DGKH: variants seen among roughly 807,000 people sequenced by gnomAD.
The protein encoded by DGKH is DAG kinase eta.
Under a neutral mutation model 159.3 loss-of-function variants are expected in DGKH, and 90 were observed. The ratio of observed to expected loss-of-function variants is 0.57; its 90% CI spans 0.48 to 0.67. DGKH has a LOEUF of 0.67. Among genes scored for constraint, DGKH ranks in the 30% least tolerant of loss-of-function variants. The pLI, the probability that DGKH is intolerant of heterozygous loss-of-function variation, is 0.00. For missense variants in DGKH, 1,181 were observed against 1,506.1 expected (o/e 0.78, Z 3.57); for synonymous variants, 536 against 553.8 (o/e 0.97, Z 0.45).
intron 21 of DGKH, among the ~76,000 whole-genome samples, chr13:42,206,612 G>A (rs778312803): frequency 7.1e-6 from 1 of 140,110 alleles, no homozygotes; most frequent in African/African-American, 2.7e-5. Flanking sequence ...CAGCTGGGCT[G>A]TTGCCTTCCG....
Position 42,148,661 on chromosome 13 carries a change from C to T in DGKH, c.385-6630C>T, listed in dbSNP as rs151248349. On this transcript the variant is annotated intron_variant, in intron 3 of 29. Transcript: ENST00000337343. ...TCCTGGCTTAAACCCCTTTAGTAAC[C>T]GTGCTCTGTCACTTTTAGGATCAAA... 1.5e-3 allele frequency among the ~76,000 whole-genome samples: 224 copies of T among 152,242 alleles called. 1 individual carries two copies. The highest frequency in any genetic ancestry group is 5.1e-3 in the African/African-American group (212 of 41,532).
intron 11 of DGKH, among the ~76,000 whole-genome samples, chr13:42,172,296 G>C (rs1956479980): frequency 6.6e-6 from 1 of 150,998 alleles, no homozygotes; most frequent in Non-Finnish European, 1.5e-5. Flanking sequence ...ATTTTTAGTA[G>C]AGATGGGGTT....
intron 1 of DGKH, among the ~76,000 whole-genome samples, chr13:42,108,473 G>A (rs1200607258): frequency 6.6e-6 from 1 of 152,188 alleles, no homozygotes; most frequent in Non-Finnish European, 1.5e-5. Flanking sequence ...TCCGTATAGA[G>A]TGACTTTTAC....
In DGKH at chr13:42,146,134, T is replaced by C. The variant is rs2137909472; in HGVS notation, c.385-9157T>C. Among the ~76,000 whole-genome samples the C allele has an allele frequency of 2.0e-5, 3 of 150,056 alleles. No individual in the cohort carries two copies. The South Asian group carries it at 6.3e-4, about 32-fold the overall frequency. On this transcript the variant is annotated intron_variant, in intron 3 of 29. Coordinates refer to ENST00000337343, the MANE Select transcript of DGKH (RefSeq NM_178009.5). ...TTCCCTTTGGAGCCTTTGTAAGAGT[T>C]CAGATTCTGGGGAGGCTTTTTTTTT...
At chr13:42,086,794 C>A (rs2137733974) in intron 1 of DGKH, among the ~76,000 whole-genome samples, 1 of 152,224 alleles carries the variant, frequency 6.6e-6, no homozygotes, top group Non-Finnish European at 1.5e-5. Flanking sequence ...TCCCAACTTG[C>A]TGCCTAGAGA....
Position 42,168,821 on chromosome 13 carries a change from A to G in DGKH, c.1367+3A>G. 1.2e-6 allele frequency: 2 copies of G among 1,608,758 alleles called. No homozygotes were observed. Among genetic ancestry groups the G allele is most frequent in the East Asian group, 2.2e-5 (1 of 44,838 alleles). On this transcript the variant is annotated splice_donor_region_variant and intron_variant, in intron 11 of 29. Coordinates refer to ENST00000337343, the MANE Select transcript of DGKH (RefSeq NM_178009.5). Reference sequence around the variant, plus strand: ...GCCAGTACCAAAATGTTGGACAGGTAAAAGTAAATTCTTTTCTACAACTAG... The same window carrying G: ...GCCAGTACCAAAATGTTGGACAGGTGAAAGTAAATTCTTTTCTACAACTAG...
chr13:42,129,355 T>C (rs765824929), intron 2 of DGKH, among the ~76,000 whole-genome samples, 197 bp from the exon 3 acceptor site: 44 of 152,210 alleles, frequency 2.9e-4, no homozygotes, highest in Non-Finnish European at 5.4e-4. Flanking sequence ...TTTAAAGCCC[T>C]TTTCAGTTGG....
rs762368524 is a variant in DGKH, at chr13:42,214,518, C to T, written c.3026C>T (p.Ala1009Val). 6.2e-7 allele frequency: 1 copy of T among 1,611,594 alleles called. No individual in the cohort carries two copies. The highest frequency in any genetic ancestry group is 1.7e-5 in the Admixed American group (1 of 59,656). Residue 1009 changes from alanine to valine, a missense_variant, in exon 25 of 30, where the codon GCA becomes GTA. Coordinates refer to ENST00000337343, the MANE Select transcript of DGKH (RefSeq NM_178009.5). ...ATTTTTGCTTTTAGGATATGTGACG[C>T]AGCCACAATTCACTGTCTTTTGGAG... ...AEELITRICD[A>V]ATIHCLLEQE... is the part of the protein sequence containing the mutation.
At chr13:42,192,490 A>G (rs1957099760) in intron 16 of DGKH, among the ~76,000 whole-genome samples, 1 of 152,126 alleles carries the variant, frequency 6.6e-6, no homozygotes, top group Admixed American at 6.5e-5. Context: ...TTTCATATAC[A>G]TTTGACTGTA....
chr13:42,178,980 A>C (rs1276480847), intron 13 of DGKH, among the ~76,000 whole-genome samples: 1 of 152,218 alleles, frequency 6.6e-6, no homozygotes, highest in African/African-American at 2.4e-5. Context: ...AAAATATACA[A>C]ATTTTGGTAT....
intron 1 of DGKH, among the ~76,000 whole-genome samples, chr13:42,071,833 C>A (rs1302257749): frequency 6.6e-6 from 1 of 152,226 alleles, no homozygotes; most frequent in Non-Finnish European, 1.5e-5. Context: ...GAGGCCCTCA[C>A]TTTGCCGCAG....
chr13:42,201,954 T>A (rs1594197991), intron 20 of DGKH, among the ~76,000 whole-genome samples: 1 of 152,168 alleles, frequency 6.6e-6, no homozygotes, highest in East Asian at 1.9e-4. Flanking sequence ...CTAATGCCTT[T>A]TTTCCCCTAC....
intron 29 of DGKH, among the ~76,000 whole-genome samples, chr13:42,223,656 G>A (rs1958043878): frequency 6.6e-6 from 1 of 151,934 alleles, no homozygotes; most frequent in Non-Finnish European, 1.5e-5. Flanking sequence ...AGCTACTCAG[G>A]AGGCTGAGGC....
At chr13:42,193,723 A>G (rs80285663) in intron 16 of DGKH, among the ~76,000 whole-genome samples, 1,933 of 152,306 alleles carry the variant, frequency 0.013, 43 homozygotes, top group African/African-American at 0.043. Flanking sequence ...TATTTAAAAA[A>G]GGGGTGGCTG....
chr13:42,230,928 A>G lies in DGKH; in HGVS notation c.*1740A>G, dbSNP rs1238724503. The G allele has an allele frequency of 6.6e-6, 1 of 152,202 alleles. No homozygotes were observed. Among genetic ancestry groups the G allele is most frequent in the Non-Finnish European group, 1.5e-5 (1 of 68,038 alleles). 9.4% of individuals were successfully genotyped at this position (152,202 alleles called of 1,614,324 possible). On this transcript the variant is annotated 3_prime_UTR_variant, in exon 30 of 30. Coordinates refer to ENST00000337343, the MANE Select transcript of DGKH (RefSeq NM_178009.5). ...ATAACTTGGGTATTTAACTACTAGT[A>G]AAAATCACAAAATTTTAATGTCTTT...
At chr13:42,175,117 A>C (rs1423781957) in intron 12 of DGKH, among the ~76,000 whole-genome samples, 1 of 152,220 alleles carries the variant, frequency 6.6e-6, no homozygotes, top group East Asian at 1.9e-4. Context: ...AGGAAAATTC[A>C]TCTGTTTATT....
chr13:42,098,170 T>C (rs1954581771), intron 1 of DGKH, among the ~76,000 whole-genome samples: 1 of 152,098 alleles, frequency 6.6e-6, no homozygotes, highest in South Asian at 2.1e-4. Flanking sequence ...TTTACACAGG[T>C]GAAAAAATAA....
At chr13:42,173,526 T>C (rs1445576761) in intron 11 of DGKH, among the ~76,000 whole-genome samples, 1 of 152,224 alleles carries the variant, frequency 6.6e-6, no homozygotes, top group African/African-American at 2.4e-5. Context: ...AGAAGGGGTA[T>C]TTAGCTAATT....
At chr13:42,200,760 A>G (rs964402077) in intron 20 of DGKH, among the ~76,000 whole-genome samples, 2 of 152,166 alleles carry the variant, frequency 1.3e-5, no homozygotes, top group Admixed American at 1.3e-4. Context: ...AGATGAGCCT[A>G]TTATACTTTC....
Sources: allele counts gnomAD v4.1 joint callset (sites outside exome capture counted in the v4.1 genomes callset), GRCh38; gene constraint gnomAD v4.1.1; transcripts MANE v1.5; gene names NCBI Gene and HGNC (gene_info 2026-07-23, HGNC 2026-07-21).